TNFRSF17: variants seen among roughly 807,000 people sequenced by gnomAD.
TNFRSF17 encodes the protein tumor necrosis factor receptor superfamily member 17.
Under a neutral mutation model 9.9 loss-of-function variants are expected in TNFRSF17, and 13 were observed. The ratio of observed to expected loss-of-function variants is 1.31; its 90% CI spans 0.85 to 2.08. The LOEUF (loss-of-function observed/expected upper bound fraction) is 2.08. Ranked by LOEUF, TNFRSF17 falls within the 30% of genes most tolerant of loss-of-function variation. The probability of loss-of-function intolerance (pLI) is 0.00; values close to 1 mark genes in which losing one functional copy is unlikely to be tolerated. For synonymous variants in TNFRSF17, 99 were observed against 83.7 expected, an observed-to-expected ratio of 1.18 and a Z score of -1.00; for missense variants, 305 against 225.8, an observed-to-expected ratio of 1.35 and a Z score of -2.25.
rs200613750 is a variant in TNFRSF17 at position 11,967,782 on chromosome 16, T to A, written c.490T>A (p.Tyr164Asn). 1.2e-6 allele frequency: 2 copies of A among 1,614,208 alleles called. No individual in the cohort carries two copies. Among genetic ancestry groups the A allele is most frequent in the East Asian group, 4.5e-5 (2 of 44,884 alleles). ...TCTTGTCACCACGAAAACGAATGACTATTGCAAGAGCCTGCCAGCTGCTTT... is the reference window on the plus strand; with the variant it reads ...TCTTGTCACCACGAAAACGAATGACAATTGCAAGAGCCTGCCAGCTGCTTT... ...TILVTTKTNDYCKSLPAALSA... is the reference protein window; with the variant it reads ...TILVTTKTNDNCKSLPAALSA... The change falls in exon 3 of 3, where the codon TAT (tyrosine) becomes AAT (asparagine). Residue 164 changes from tyrosine (Y) to asparagine (N), a missense_variant. Coordinates refer to ENST00000053243, the MANE Select transcript of TNFRSF17 (RefSeq NM_001192.3).
chr16:11,966,400 A>G, intron 2 of TNFRSF17, 59 bp downstream of exon 2: 1 of 1,542,894 alleles, frequency 6.5e-7, no homozygotes, highest in African/African-American at 1.4e-5. Context: ...TGTGAGTTTC[A>G]GTTCCTTTTC....
Position 11,967,628 on chromosome 16 carries a change from A to C in TNFRSF17, c.336A>C (p.Glu112Asp). 1 of 1,614,216 alleles carries C rather than the reference A, an allele frequency of 6.2e-7. No individual in the cohort carries two copies. Among genetic ancestry groups the C allele is most frequent in the Non-Finnish European group, 8.5e-7 (1 of 1,180,044 alleles). The change falls in exon 3 of 3, where the codon GAA (glutamate) becomes GAC (aspartate). Residue 112 changes from glutamate (E) to aspartate (D), a missense_variant. By Grantham distance (45) the Glu-to-Asp change is conservative. Coordinates refer to ENST00000053243, the MANE Select transcript of TNFRSF17 (RefSeq NM_001192.3). ...IDLEKSRTGD[E>D]IILPRGLEYT... ...TGGAAAAGAGCAGGACTGGTGATGA[A>C]ATTATTCTTCCGAGAGGCCTCGAGT...
rs550606391 is a variant in TNFRSF17, at chr16:11,965,439, C to G, written c.115C>G (p.Arg39Gly). Residue 39 changes from arginine to glycine, a missense_variant, in exon 1 of 3, where the codon CGT (arginine) becomes GGT (glycine). Arg to Gly is a moderately radical substitution (Grantham distance 125, BLOSUM62 -2). Coordinates refer to ENST00000053243, the MANE Select transcript of TNFRSF17 (RefSeq NM_001192.3). Reference sequence around the variant, plus strand: ...TAATACTCCTCCTCTAACATGTCAGCGTTATTGTAATGCAAGTAAGTAATA... The same window carrying G: ...TAATACTCCTCCTCTAACATGTCAGGGTTATTGTAATGCAAGTAAGTAATA... ...SSNTPPLTCQ[R>G]YCNASVTNSV... 3 of 1,613,984 alleles carry G rather than the reference C, an allele frequency of 1.9e-6. No homozygotes were observed. Among genetic ancestry groups the G allele is most frequent in the South Asian group, 2.2e-5 (2 of 91,066 alleles).
chr16:11,965,725 CATTA>C (rs1567478982), intron 1 of TNFRSF17, among the ~76,000 whole-genome samples: 1 of 152,110 alleles, frequency 6.6e-6, no homozygotes, highest in South Asian at 2.1e-4. Flanking sequence ...AGTCAATGTT[CATTA>C]ATTAAGGTGA....
chr16:11,967,668 T>G lies in TNFRSF17; in HGVS notation c.376T>G (p.Cys126Gly). ...PRGLEYTVEE[C>G]TCEDCIKSKP... ...AGGCCTCGAGTACACGGTGGAAGAA[T>G]GCACCTGTGAAGACTGCATCAAGAG... The change falls in exon 3 of 3, where the codon TGC becomes GGC. Residue 126 changes from cysteine to glycine, a missense_variant. Coordinates refer to ENST00000053243, the MANE Select transcript of TNFRSF17 (RefSeq NM_001192.3). The G allele has an allele frequency of 6.2e-7, 1 of 1,614,180 alleles. No homozygotes were observed. The highest frequency in any genetic ancestry group is 1.7e-5 in the Admixed American group (1 of 60,008).
chr16:11,965,393 T>C lies in TNFRSF17; in HGVS notation c.69T>C (p.Pro23=), dbSNP rs746189405. The change falls in exon 1 of 3, where the codon CCT becomes CCC. Residue 23 remains proline, a synonymous_variant. Transcript: ENST00000053243. ...YFDSLLHACI[P]CQLRCSSNTP... ...ACAGTTTGTTGCATGCTTGCATACCTTGTCAACTTCGATGTTCTTCTAATA... is the reference window on the plus strand; with the variant it reads ...ACAGTTTGTTGCATGCTTGCATACCCTGTCAACTTCGATGTTCTTCTAATA... 6.2e-7 allele frequency: 1 copy of C among 1,614,102 alleles called. No homozygotes were observed. The highest frequency in any genetic ancestry group is 1.3e-5 in the African/African-American group (1 of 74,944).
chr16:11,968,004 T>A lies in TNFRSF17; in HGVS notation c.*157T>A. On this transcript the variant is annotated 3_prime_UTR_variant, in exon 3 of 3. Transcript: ENST00000053243. ...TTTATGTTAGATATATTTCTCTAGG[T>A]TACTGTTGGGAGCTTAATGGTAGAA... 2.4e-6 allele frequency: 2 copies of A among 835,790 alleles called. No homozygotes were observed. Among genetic ancestry groups the A allele is most frequent in the Non-Finnish European group, 3.6e-6 (2 of 558,432 alleles). The allele number at this position is 835,790 out of a possible 1,614,324, so 51.8% of individuals were successfully genotyped here.
intron 2 of TNFRSF17, 79 bp downstream of exon 2, chr16:11,966,420 C>T (rs956538898): frequency 1.6e-5 from 23 of 1,437,404 alleles, no homozygotes; most frequent in Admixed American, 5.9e-5. Flanking sequence ...CTTTTTTTAG[C>T]GTTGACTATT....
At position 11,966,190 on chromosome 16, in the gene TNFRSF17, T is replaced by C; in HGVS notation, c.131-5T>C. 2 of 1,608,014 alleles carry C rather than the reference T, an allele frequency of 1.2e-6. No individual in the cohort carries two copies. Among genetic ancestry groups the C allele is most frequent in the Non-Finnish European group, 1.7e-6 (2 of 1,176,454 alleles). On this transcript the variant is annotated splice_region_variant and splice_polypyrimidine_tract_variant and intron_variant, in intron 1 of 2. Coordinates refer to ENST00000053243, the MANE Select transcript of TNFRSF17 (RefSeq NM_001192.3). ...CATTATCTGTCTGATGTTCTTTTCA[T>C]AAAGGTGTGACCAATTCAGTGAAAG...
At position 11,966,248 on chromosome 16, in the gene TNFRSF17, C is replaced by A. The variant is rs772804388; in HGVS notation, c.184C>A (p.Leu62Met). The change falls in exon 2 of 3, where the codon CTG becomes ATG. Residue 62 changes from leucine to methionine, a missense_variant. Leu to Met is a conservative substitution (Grantham distance 15). Transcript: ENST00000053243. Reference sequence around the variant, plus strand: ...TGCGATTCTCTGGACCTGTTTGGGACTGAGCTTAATAATTTCTTTGGCAGT... The same window carrying A: ...TGCGATTCTCTGGACCTGTTTGGGAATGAGCTTAATAATTTCTTTGGCAGT... ...TNAILWTCLG[L>M]SLIISLAVFV... 27 of 1,613,954 alleles carry A rather than the reference C, an allele frequency of 1.7e-5. No individual in the cohort carries two copies. The highest frequency in any genetic ancestry group is 2.3e-5 in the Non-Finnish European group (27 of 1,179,940).
intron 2 of TNFRSF17, chr16:11,967,014 ATTT>A (rs2055199659): frequency 5.3e-6 from 1 of 189,634 alleles, no homozygotes; most frequent in South Asian, 9.3e-5. Context: ...TTATTTATTT[ATTT>A]AGAGATGGAG....
chr16:11,966,649 T>A (rs1372872406), intron 2 of TNFRSF17, among the ~76,000 whole-genome samples: 2 of 152,212 alleles, frequency 1.3e-5, no homozygotes, highest in African/African-American at 4.8e-5. Context: ...ATCGATTAAA[T>A]GCCACATTAT....
Position 11,967,918 on chromosome 16 carries a change from T to C in TNFRSF17, c.*71T>C. On this transcript the variant is annotated 3_prime_UTR_variant, in exon 3 of 3. Coordinates refer to ENST00000053243, the MANE Select transcript of TNFRSF17 (RefSeq NM_001192.3). ...AGAATAGATGATGTGTCAGATCTCT[T>C]TAGGATGACTGTATTTTTCAGTTGC... 2 of 1,521,494 alleles carry C rather than the reference T, an allele frequency of 1.3e-6. No individual in the cohort carries two copies. Among genetic ancestry groups the C allele is most frequent in the Non-Finnish European group, 1.8e-6 (2 of 1,128,246 alleles). 94.2% of individuals were successfully genotyped at this position (1,521,494 alleles called of 1,614,324 possible).
chr16:11,967,113 A>G (rs2055200532), intron 2 of TNFRSF17: 1 of 204,954 alleles, frequency 4.9e-6, no homozygotes, highest in African/African-American at 2.4e-5. Context: ...CAATTCTCCC[A>G]TCTCAGCCTC....
At chr16:11,965,724 T>A (rs1567478977) in intron 1 of TNFRSF17, among the ~76,000 whole-genome samples, 1 of 152,220 alleles carries the variant, frequency 6.6e-6, no homozygotes, top group Admixed American at 6.6e-5. Context: ...AAGTCAATGT[T>A]CATTAATTAA....
chr16:11,967,657 C>T lies in TNFRSF17; in HGVS notation c.365C>T (p.Thr122Met), dbSNP rs140545031. ...EIILPRGLEYTVEECTCEDCI... is the reference protein window; with the variant it reads ...EIILPRGLEYMVEECTCEDCI... Reference sequence around the variant, plus strand: ...ATTCTTCCGAGAGGCCTCGAGTACACGGTGGAAGAATGCACCTGTGAAGAC... The same window carrying T: ...ATTCTTCCGAGAGGCCTCGAGTACATGGTGGAAGAATGCACCTGTGAAGAC... Residue 122 changes from threonine (T) to methionine (M), a missense_variant, in exon 3 of 3, where the codon ACG (threonine) becomes ATG (methionine). Coordinates refer to ENST00000053243, the MANE Select transcript of TNFRSF17 (RefSeq NM_001192.3). The T allele has an allele frequency of 4.3e-5, 70 of 1,613,996 alleles. No individual in the cohort carries two copies. The highest frequency in any genetic ancestry group is 5.4e-5 in the Non-Finnish European group (64 of 1,180,010).
In TNFRSF17 at chr16:11,967,854, A is replaced by T; in HGVS notation, c.*7A>T. ...ATCAATTTCTGCTAGGTAATTAACC[A>T]TTTCGACTCGAGCAGTGCCACTTTA... On this transcript the variant is annotated 3_prime_UTR_variant, in exon 3 of 3. Transcript: ENST00000053243. 6.2e-7 allele frequency: 1 copy of T among 1,611,480 alleles called. No homozygotes were observed. The highest frequency in any genetic ancestry group is 8.5e-7 in the Non-Finnish European group (1 of 1,178,068).
chr16:11,966,169 A>C (rs1567479156), intron 1 of TNFRSF17, 26 bp from the exon 2 acceptor site: 1 of 1,591,312 alleles, frequency 6.3e-7, no homozygotes, highest in Non-Finnish European at 8.6e-7. Context: ...TCAGCTCATT[A>C]TCTGTCTGAT....
Position 11,968,027 on chromosome 16 carries a change from G to T in TNFRSF17, c.*180G>T. ...GGTTACTGTTGGGAGCTTAATGGTAGAAACTTCCTTGGTTTCATGATTAAA... is the reference window on the plus strand; with the variant it reads ...GGTTACTGTTGGGAGCTTAATGGTATAAACTTCCTTGGTTTCATGATTAAA... On this transcript the variant is annotated 3_prime_UTR_variant, in exon 3 of 3. Transcript: ENST00000053243. 1.5e-6 allele frequency: 1 copy of T among 649,896 alleles called. No individual in the cohort carries two copies. Among genetic ancestry groups the T allele is most frequent in the East Asian group, 3.1e-5 (1 of 32,358 alleles). The allele number at this position is 649,896 out of a possible 1,614,324, so 40.3% of individuals were successfully genotyped here. A position where few individuals can be genotyped will look rare whatever the true frequency, so the allele number is the denominator to read the frequency against.
Sources: allele counts gnomAD v4.1 joint callset (sites outside exome capture counted in the v4.1 genomes callset), GRCh38; gene constraint gnomAD v4.1.1; transcripts MANE v1.5; gene names NCBI Gene and HGNC (gene_info 2026-07-23, HGNC 2026-07-21).